The following BIVM variants were observed in gnomAD, a reference collection of about 807,000 sequenced individuals.
The protein encoded by BIVM is basic, immunoglobulin-like variable motif containing.
BIVM carries 31 observed loss-of-function variants against 61.4 expected under a neutral mutation model. The ratio of observed to expected loss-of-function variants is 0.51; its 90% CI spans 0.38 to 0.68. The LOEUF is 0.68. BIVM is among the 30% of genes least tolerant of loss of function. BIVM has a pLI of 0.00. For missense variants in BIVM, 526 were observed against 596.0 expected (o/e 0.88, Z 1.22); for synonymous variants, 189 against 210.7 (o/e 0.90, Z 0.89).
intron 3 of BIVM, among the ~76,000 whole-genome samples, chr13:102,814,789 A>G (rs1158805881): frequency 6.6e-6 from 1 of 152,212 alleles, no homozygotes; most frequent in Non-Finnish European, 1.5e-5. Context: ...CACACTTGTA[A>G]TCCCAGCATT....
At chr13:102,823,296 A>G (rs1880425543) in intron 7 of BIVM, among the ~76,000 whole-genome samples, 1 of 152,218 alleles carries the variant, frequency 6.6e-6, no homozygotes, top group Admixed American at 6.5e-5. Context: ...TATATTGGGT[A>G]TATCAGGTTG....
intron 7 of BIVM, among the ~76,000 whole-genome samples, chr13:102,829,069 T>A (rs1307003401): frequency 6.6e-6 from 1 of 151,708 alleles, no homozygotes; most frequent in African/African-American, 2.4e-5. Context: ...TGCAGAGTAA[T>A]GTTAGATTGC....
In BIVM at chr13:102,839,612, T is replaced by A; in HGVS notation, c.1259T>A (p.Leu420His). The change falls in exon 11 of 11, where the codon CTT (leucine) becomes CAT (histidine). Residue 420 changes from leucine to histidine, a missense_variant. Physicochemically the swap from Leu to His is moderately conservative, Grantham distance 99. Coordinates refer to ENST00000257336, the MANE Select transcript of BIVM (RefSeq NM_017693.4). ...NLHCIIAFQRLNWQRFGLWNF... is the reference protein window; with the variant it reads ...NLHCIIAFQRHNWQRFGLWNF... ...CATTGCATCATAGCATTCCAGAGAC[T>A]TAACTGGCAAAGATTTGGCCTTTGG... 9 of 1,614,236 alleles carry A rather than the reference T, an allele frequency of 5.6e-6. No individual in the cohort carries two copies. Among genetic ancestry groups the A allele is most frequent in the Non-Finnish European group, 7.6e-6 (9 of 1,180,036 alleles).
chr13:102,816,288 T>C (rs1440045834), intron 3 of BIVM, 140 bp from the exon 4 acceptor site: 1 of 762,300 alleles, frequency 1.3e-6, no homozygotes, highest in Non-Finnish European at 1.9e-6. Flanking sequence ...CAGTTATTTA[T>C]TTGTTATTAT....
chr13:102,834,352 T>G lies in BIVM; in HGVS notation c.1035-114T>G, dbSNP rs566577698. On this transcript the variant is annotated intron_variant, in intron 8 of 10. Coordinates refer to ENST00000257336, the MANE Select transcript of BIVM (RefSeq NM_017693.4). ...CCTAAGCTCTAATGTCTGTTCTTGATGAATGAATGCCAGGTTTGAATACAC... is the reference window on the plus strand; with the variant it reads ...CCTAAGCTCTAATGTCTGTTCTTGAGGAATGAATGCCAGGTTTGAATACAC... 2.8e-5 allele frequency: 29 copies of G among 1,028,442 alleles called. No homozygotes were observed. The South Asian group carries it at 5.2e-4, about 19-fold the overall frequency. The allele number at this position is 1,028,442 out of a possible 1,614,324, so 63.7% of individuals were successfully genotyped here.
intron 3 of BIVM, among the ~76,000 whole-genome samples, chr13:102,808,941 A>T (rs1566445366): frequency 6.6e-6 from 1 of 152,130 alleles, no homozygotes; most frequent in South Asian, 2.1e-4. Flanking sequence ...TTTAAAACTG[A>T]TCAATCTAGC....
chr13:102,820,982 A>G, intron 4 of BIVM, 55 bp from the exon 5 acceptor site: 1 of 1,440,130 alleles, frequency 6.9e-7, no homozygotes, highest in Admixed American at 1.9e-5. Flanking sequence ...TTCTATTTCT[A>G]GCATGCATAT....
In BIVM at chr13:102,840,111, T is replaced by A. The variant is rs890327150; in HGVS notation, c.*246T>A. 6 of 356,738 alleles carry A rather than the reference T, an allele frequency of 1.7e-5. No homozygotes were observed. Among genetic ancestry groups the A allele is most frequent in the African/African-American group, 2.1e-5 (1 of 47,804 alleles). The allele number at this position is 356,738 out of a possible 1,614,324, so 22.1% of individuals were successfully genotyped here. ...AAGAGTATATAATCTGGACAGAAAA[T>A]TTCACAAAATTCAATAAAATTACAA... On this transcript the variant is annotated 3_prime_UTR_variant, in exon 11 of 11. Coordinates refer to ENST00000257336, the MANE Select transcript of BIVM (RefSeq NM_017693.4).
rs185839668 is a variant in BIVM at position 102,802,597 on chromosome 13, A to G, written c.-206-2710A>G. On this transcript the variant is annotated intron_variant, in intron 1 of 10. Coordinates refer to ENST00000257336, the MANE Select transcript of BIVM (RefSeq NM_017693.4). ...ATGCCCTTGGATTTTAGTGACAGTCAATATAAAATGCATCCTTATATTGAT... is the reference window on the plus strand; with the variant it reads ...ATGCCCTTGGATTTTAGTGACAGTCGATATAAAATGCATCCTTATATTGAT... 9.3e-5 allele frequency among the ~76,000 whole-genome samples: 14 copies of G among 150,606 alleles called. No individual in the cohort carries two copies. The East Asian group carries it at 2.7e-3, about 30-fold the overall frequency.
At position 102,821,812 on chromosome 13, in the gene BIVM, G is replaced by A. The variant is rs1479243794; in HGVS notation, c.771G>A (p.Arg257=). ...TTCAACCTCCATTTGAAGATATTAG[G>A]TTTGGTCCTTTCACGGGGAATACAA... ...LGFQPPFEDI[R]FGPFTGNTTL... Residue 257 remains arginine, a synonymous_variant, in exon 6 of 11, where the codon AGG becomes AGA. Coordinates refer to ENST00000257336, the MANE Select transcript of BIVM (RefSeq NM_017693.4). 1.2e-6 allele frequency: 2 copies of A among 1,613,850 alleles called. No individual in the cohort carries two copies. The highest frequency in any genetic ancestry group is 1.3e-5 in the African/African-American group (1 of 74,896).
Position 102,840,072 on chromosome 13 carries a change from T to TGTCC in BIVM, c.*208_*211dup, listed in dbSNP as rs1881728316. ...ATATAAGCAGATAAGCACAGATTAT[T>TGTCC]GTCCTTTCAAGTTAAGAGTATATAA... On this transcript the variant is annotated 3_prime_UTR_variant, in exon 11 of 11. Transcript: ENST00000257336. The TGTCC allele has an allele frequency of 2.1e-6, 1 of 480,572 alleles. No individual in the cohort carries two copies. The highest frequency in any genetic ancestry group is 3.3e-5 in the East Asian group (1 of 30,620). The allele number at this position is 480,572 out of a possible 1,614,324, so 29.8% of individuals were successfully genotyped here. A position where few individuals can be genotyped will look rare whatever the true frequency, so the allele number is the denominator to read the frequency against.
At chr13:102,805,194 C>G (rs1878982596) in intron 1 of BIVM, 113 bp from the exon 2 acceptor site, 1 of 152,210 alleles carries the variant, frequency 6.6e-6, no homozygotes, top group Non-Finnish European at 1.5e-5. Flanking sequence ...CTGGGGTTGT[C>G]TGCTGCGTGT....
intron 2 of BIVM, among the ~76,000 whole-genome samples, chr13:102,806,260 T>TTTTTTATTTATTTA (rs1879072772): frequency 2.0e-5 from 3 of 152,208 alleles, no homozygotes; most frequent in Non-Finnish European, 4.4e-5. Flanking sequence ...GGCCATTTAT[T>TTTTTTATTTATTTA]TTTATTTTTG....
chr13:102,825,592 C>T (rs1469215154), intron 7 of BIVM, among the ~76,000 whole-genome samples: 1 of 152,196 alleles, frequency 6.6e-6, no homozygotes, highest in African/African-American at 2.4e-5. Flanking sequence ...GCCTACCTCC[C>T]CTGGTGTTCA....
chr13:102,840,152 G>A lies in BIVM; in HGVS notation c.*287G>A, dbSNP rs1031596434. ...AAAATTACAACTGTTGTCTAAATAA[G>A]TGAAACACAAATTCACTTAATAGCA... is the stretch of plus-strand genomic sequence containing the variant. On this transcript the variant is annotated 3_prime_UTR_variant, in exon 11 of 11. Transcript: ENST00000257336. 1.1e-5 allele frequency: 3 copies of A among 272,850 alleles called. No individual in the cohort carries two copies. Among genetic ancestry groups the A allele is most frequent in the Non-Finnish European group, 2.0e-5 (3 of 146,722 alleles). The allele number at this position is 272,850 out of a possible 1,614,324, so 16.9% of individuals were successfully genotyped here.
At chr13:102,810,308 T>A (rs966477569) in intron 3 of BIVM, among the ~76,000 whole-genome samples, 1 of 152,260 alleles carries the variant, frequency 6.6e-6, no homozygotes, top group Non-Finnish European at 1.5e-5. Flanking sequence ...TTCCATCCTT[T>A]TACTTTCAGC....
intron 3 of BIVM, among the ~76,000 whole-genome samples, chr13:102,813,031 T>C (rs1183168660): frequency 6.6e-6 from 1 of 152,182 alleles, no homozygotes; most frequent in Admixed American, 6.5e-5. Flanking sequence ...TGTGCTGAAA[T>C]TGACCAAAAT....
chr13:102,837,958 C>G (rs887812547), intron 9 of BIVM, among the ~76,000 whole-genome samples: 2 of 152,086 alleles, frequency 1.3e-5, no homozygotes, highest in Non-Finnish European at 2.9e-5. Context: ...GTGTACACTG[C>G]TTGGATGATG....
chr13:102,831,470 T>C, intron 7 of BIVM, 95 bp from the exon 8 acceptor site: 1 of 1,530,034 alleles, frequency 6.5e-7, no homozygotes, highest in Non-Finnish European at 8.8e-7. Flanking sequence ...CCAAGTAATG[T>C]CTTTTCTGTC....
Sources: allele counts gnomAD v4.1 joint callset (sites outside exome capture counted in the v4.1 genomes callset), GRCh38; gene constraint gnomAD v4.1.1; transcripts MANE v1.5; gene names NCBI Gene and HGNC (gene_info 2026-07-23, HGNC 2026-07-21).